ZNF600: variants seen among roughly 807,000 people sequenced by gnomAD.
The protein encoded by ZNF600 is zinc finger protein KR-ZNF1.
Under a neutral mutation model 7.3 loss-of-function variants are expected in ZNF600, and 4 were observed. That is an observed-to-expected ratio of 0.55 (90% confidence interval 0.27 to 1.25). The LOEUF (loss-of-function observed/expected upper bound fraction) is 1.25. Ranked by LOEUF, ZNF600 falls within the 50% of genes most tolerant of loss-of-function variation. The pLI is 0.12. For missense variants in ZNF600, 911 were observed against 922.1 expected, an observed-to-expected ratio of 0.99 and a Z score of 0.16; for synonymous variants, 290 against 308.9, an observed-to-expected ratio of 0.94 and a Z score of 0.64.
At chr19:52,789,933 C>T (rs1568639323), upstream of ZNF600, among the ~76,000 whole-genome samples, 1 of 151,818 alleles carries the variant, frequency 6.6e-6, no homozygotes, top group African/African-American at 2.4e-5. Flanking sequence ...AGGAAAACTA[C>T]AGTCAAAGGG....
At chr19:52,823,219 TGG>T in the ZNF600 span, among the ~76,000 whole-genome samples, 984 of 152,256 alleles carry the variant, frequency 6.5e-3, 12 homozygotes, top group African/African-American at 0.021. Flanking sequence ...TGTTTTGTTT[TGG>T]TTTGGTTTTT....
the ZNF600 span, chr19:52,801,821 A>C: frequency 1.0e-6 from 1 of 968,462 alleles, no homozygotes; most frequent in Non-Finnish European, 1.5e-6. Flanking sequence ...ATGATCTTCA[A>C]AGTTTAAGAA....
exon 4 of ZNF600, chr19:52,766,976 G>A (rs747667620): frequency 1.9e-6 from 3 of 1,613,908 alleles, no homozygotes; most frequent in Admixed American, 3.3e-5. Flanking sequence ...GAATTACAAG[G>A]GCTGAATTTT....
At chr19:52,773,358 G>A (rs1158217861) in intron 3 of ZNF600, among the ~76,000 whole-genome samples, 1 of 152,220 alleles carries the variant, frequency 6.6e-6, no homozygotes, top group African/African-American at 2.4e-5. Context: ...AAAAGCAGCA[G>A]TATGGTGGCC....
the ZNF600 span, chr19:52,809,699 G>T: frequency 2.7e-6 from 1 of 376,194 alleles, no homozygotes; most frequent in South Asian, 7.0e-5. Flanking sequence ...TCAGCTACTC[G>T]AGAGGCTGAG....
chr19:52,793,692 GGAA>G, the ZNF600 span, among the ~76,000 whole-genome samples: 14,781 of 151,356 alleles, frequency 0.098, 1,314 homozygotes, highest in African/African-American at 0.22. Context: ...GCTTGAACCC[GGAA>G]GAAGGAGGTT....
At chr19:52,825,500 T>G in the ZNF600 span, among the ~76,000 whole-genome samples, 16 of 151,414 alleles carry the variant, frequency 1.1e-4, no homozygotes, top group African/African-American at 2.2e-4. Context: ...ATGGAGAAAC[T>G]CCATCTCTAC....
chr19:52,810,658 C>T, the ZNF600 span: 15 of 1,123,062 alleles, frequency 1.3e-5, no homozygotes, highest in East Asian at 4.7e-5. Context: ...GCTCTGGGGT[C>T]GCGTCTACAG....
the ZNF600 span, among the ~76,000 whole-genome samples, chr19:52,832,060 C>T: frequency 7.3e-5 from 9 of 122,552 alleles, 1 homozygote; most frequent in East Asian, 5.0e-4. Context: ...TATCCATCCA[C>T]GTATTCATGC....
intron 3 of ZNF600, among the ~76,000 whole-genome samples, chr19:52,769,157 G>C (rs146795347): frequency 0.018 from 2,665 of 152,108 alleles, 90 homozygotes; most frequent in African/African-American, 0.061. Context: ...TTAGCAGACC[G>C]GGAAAGGGAG....
At chr19:52,809,816 C>CGGCGAA in the ZNF600 span, 3 of 527,570 alleles carry the variant, frequency 5.7e-6, no homozygotes, top group Non-Finnish European at 6.6e-6. Flanking sequence ...CCAGTCTGAG[C>CGGCGAA]GGCGAAGGCG....
the ZNF600 span, among the ~76,000 whole-genome samples, chr19:52,822,235 T>C: frequency 1.3e-5 from 2 of 151,716 alleles, no homozygotes; most frequent in African/African-American, 4.8e-5. Context: ...CCATGCCCGG[T>C]TAATTTTTGT....
intron 1 of ZNF600, among the ~76,000 whole-genome samples, chr19:52,785,340 C>G (rs986196928): frequency 2.5e-4 from 38 of 152,074 alleles, no homozygotes; most frequent in Middle Eastern, 3.4e-3. Context: ...ACCTCTGCCT[C>G]CCAGGTTCAA....
At chr19:52,777,277 C>T (rs560208059) in intron 2 of ZNF600, among the ~76,000 whole-genome samples, 4 of 152,278 alleles carry the variant, frequency 2.6e-5, no homozygotes, top group South Asian at 2.1e-4. Flanking sequence ...ACTCGGGAGG[C>T]TGAGGCAAAA....
chr19:52,815,788 G>A, the ZNF600 span, among the ~76,000 whole-genome samples: 1 of 146,270 alleles, frequency 6.8e-6, no homozygotes, highest in South Asian at 2.3e-4. Flanking sequence ...TTGCACCACT[G>A]CACTCCAGCC....
At chr19:52,799,794 A>T in the ZNF600 span, 2 of 1,613,902 alleles carry the variant, frequency 1.2e-6, no homozygotes, top group Admixed American at 1.7e-5. Flanking sequence ...TCCAGTATGA[A>T]CTCTCTGATG....
At chr19:52,766,797 T>C in exon 4 of ZNF600, 1 of 1,614,178 alleles carries the variant, frequency 6.2e-7, no homozygotes, top group South Asian at 1.1e-5. Context: ...AATTCTCTTA[T>C]GTGACTCAAG....
chr19:52,823,534 T>C, the ZNF600 span, among the ~76,000 whole-genome samples: 1 of 152,142 alleles, frequency 6.6e-6, no homozygotes, highest in South Asian at 2.1e-4. Flanking sequence ...TCTTAGAAGT[T>C]GCGCCTGCAC....
intron 3 of ZNF600, among the ~76,000 whole-genome samples, chr19:52,769,142 G>A (rs1398869152): frequency 3.9e-5 from 6 of 152,160 alleles, no homozygotes; most frequent in African/African-American, 9.6e-5. Context: ...AACAACACCC[G>A]CCACTTAGCA....
Sources: gnomAD v4.1 joint callset for allele counts (sites outside exome capture counted in the v4.1 genomes callset) on GRCh38, gnomAD v4.1.1 for gene constraint, MANE v1.5 for transcripts, NCBI Gene and HGNC (gene_info 2026-07-23, HGNC 2026-07-21) for gene names.